Variants in NBEAL2 observed in about 807,000 individuals in gnomAD.
NBEAL2 encodes neurobeachin-like protein 2.
NBEAL2 carries 160 observed loss-of-function variants against 299.8 expected under a neutral mutation model. That is an observed-to-expected ratio of 0.53 (90% confidence interval 0.47 to 0.61). The LOEUF (loss-of-function observed/expected upper bound fraction) is 0.61. Among genes scored for constraint, NBEAL2 ranks in the 20% least tolerant of loss-of-function variants. NBEAL2 has a pLI of 0.00. For synonymous variants in NBEAL2, 1,493 were observed against 1,542.3 expected (o/e 0.97, Z 0.75); for missense variants, 3,112 against 3,649.0 (o/e 0.85, Z 3.79).
Position 47,004,759 on chromosome 3 carries a change from C to A in NBEAL2, c.6294+169C>A. On this transcript the variant is annotated intron_variant, in intron 38 of 53. Transcript: ENST00000450053. This position sits in a 1 kb window ranked among gnomAD's most constrained non-coding sequence, Gnocchi z 5.0. ...CCTGCCAACCCCCAGAGGTCCCCAGCCTCACTCCCTTCCCCTCCCTGCCTA... is the reference window on the plus strand; with the variant it reads ...CCTGCCAACCCCCAGAGGTCCCCAGACTCACTCCCTTCCCCTCCCTGCCTA... 3 of 943,992 alleles carry A rather than the reference C, an allele frequency of 3.2e-6. No homozygotes were observed. The highest frequency in any genetic ancestry group is 1.6e-5 in the African/African-American group (1 of 61,970). The allele number at this position is 943,992 out of a possible 1,614,324, so 58.5% of individuals were successfully genotyped here. A position where few individuals can be genotyped will look rare whatever the true frequency, so the allele number is the denominator to read the frequency against.
chr3:46,979,786 G>T lies in NBEAL2; in HGVS notation c.-76G>T. 1 of 378,292 alleles carries T rather than the reference G, an allele frequency of 2.6e-6. No homozygotes were observed. The highest frequency in any genetic ancestry group is 8.7e-5 in the South Asian group (1 of 11,482). The allele number at this position is 378,292 out of a possible 1,614,324, so 23.4% of individuals were successfully genotyped here. ...GTGACGCCCTCCGCCCATGGGCCTGGCCGAGGGCAACCGGCGGGCGGCGCG... is the reference window on the plus strand; with the variant it reads ...GTGACGCCCTCCGCCCATGGGCCTGTCCGAGGGCAACCGGCGGGCGGCGCG... On this transcript the variant is annotated 5_prime_UTR_variant, in exon 1 of 54. Transcript: ENST00000450053.
At position 47,001,335 on chromosome 3, in the gene NBEAL2, G is replaced by C. The variant is rs1264227459; in HGVS notation, c.4541G>C (p.Gly1514Ala). The stretch of plus-strand genomic sequence containing the variant: ...ACCGACATCAAAGAGGCCCCCGTGG[G>C]GGTCCTGGCCAGCCTCACCCAGCAA... The part of the protein sequence containing the change: ...ALTDIKEAPV[G>A]VLASLTQQAL... The change falls in exon 29 of 54, where the codon GGG becomes GCG. Residue 1514 changes from glycine to alanine, a missense_variant. Coordinates refer to ENST00000450053, the MANE Select transcript of NBEAL2 (RefSeq NM_015175.3). The surrounding 1 kb of genome is among the most constrained non-coding windows in gnomAD (Gnocchi z 6.1). 2.5e-6 allele frequency: 4 copies of C among 1,613,010 alleles called. No homozygotes were observed. In the Admixed American group the frequency reaches 6.7e-5, roughly 27 times the overall value.
rs761640918 is a variant in NBEAL2, at chr3:46,996,997, G to T, written c.2600G>T (p.Gly867Val). ...NICLDLSPSH[G>V]LDGRLTGHRV... ...TGCCTGGACCTGTCCCCCAGTCATG[G>T]GCTTGATGGGCGCCTGACGGGCCAC... Residue 867 changes from glycine (G) to valine (V), a missense_variant, in exon 18 of 54, where the codon GGG becomes GTG. This residue lies in a region of NBEAL2 where 2,243 missense variants were observed against 2,538.1 expected (regional missense o/e 0.88). Transcript: ENST00000450053. 5.6e-6 allele frequency: 9 copies of T among 1,613,446 alleles called. No homozygotes were observed. The highest frequency in any genetic ancestry group is 8.5e-7 in the Non-Finnish European group (1 of 1,179,840).
rs375656848 is a variant in NBEAL2 at position 46,998,524 on chromosome 3, C to T, written c.3180C>T (p.Tyr1060=). The T allele has an allele frequency of 1.6e-5, 26 of 1,613,014 alleles. 1 individual carries two copies. The highest frequency in any genetic ancestry group is 3.3e-4 in the Middle Eastern group (2 of 6,084). Residue 1060 remains tyrosine (Y), a synonymous_variant, in exon 22 of 54, where the codon TAC becomes TAT. Transcript: ENST00000450053. ...REHRQKLRKK[Y]GVQFILDALR... is the part of the protein sequence containing the mutation. ...ACAGACAGAAGCTGCGGAAGAAGTACGGCGTCCAGTTTATCTTGGATGCTC... is the reference window on the plus strand; with the variant it reads ...ACAGACAGAAGCTGCGGAAGAAGTATGGCGTCCAGTTTATCTTGGATGCTC...
In NBEAL2 at chr3:46,998,725, G is replaced by A. The variant is rs373407108; in HGVS notation, c.3230G>A (p.Arg1077Gln). The A allele has an allele frequency of 1.6e-5, 25 of 1,575,592 alleles. No individual in the cohort carries two copies. The East Asian group carries it at 1.6e-4, about 10-fold the overall frequency. Residue 1077 changes from arginine (R) to glutamine (Q), a missense_variant, in exon 23 of 54, where the codon CGG becomes CAG. Coordinates refer to ENST00000450053, the MANE Select transcript of NBEAL2 (RefSeq NM_015175.3). ...DALRTHYSPQ[R>Q]ERPLAADDLR... ...GCCTACTGACCTGCCAGCCCGCAGCGGGAGCGCCCCCTGGCTGCTGACGAC... is the reference window on the plus strand; with the variant it reads ...GCCTACTGACCTGCCAGCCCGCAGCAGGAGCGCCCCCTGGCTGCTGACGAC...
chr3:47,005,521 T>A lies in NBEAL2; in HGVS notation c.6593T>A (p.Val2198Glu). ...FDCSDRQFHS[V>E]AAAWQARLES... ...TGCTCCGACCGGCAGTTCCACTCGG[T>A]GGCGGCAGCCTGGCAGGCACGCCTG... Residue 2198 changes from valine to glutamate, a missense_variant, in exon 41 of 54, where the codon GTG becomes GAG. This residue lies in a region of NBEAL2 where 521 missense variants were observed against 729.6 expected (regional missense o/e 0.71). Coordinates refer to ENST00000450053, the MANE Select transcript of NBEAL2 (RefSeq NM_015175.3). The A allele has an allele frequency of 1.2e-6, 2 of 1,611,256 alleles. No homozygotes were observed.
At position 46,997,077 on chromosome 3, in the gene NBEAL2, G is replaced by T. The variant is rs768184886; in HGVS notation, c.2649+31G>T. ...TGAGCACGTGTGGGTGGTGTGTGCA[G>T]GAGGCATGAATATGGGGCACATGTG... On this transcript the variant is annotated intron_variant, in intron 18 of 53. Transcript: ENST00000450053. 16 of 1,597,554 alleles carry T rather than the reference G, an allele frequency of 1.0e-5. No individual in the cohort carries two copies. The Middle Eastern group carries it at 5.0e-4, about 50-fold the overall frequency.
At chr3:46,987,889 C>T (rs1379407679) in intron 1 of NBEAL2, 3 of 639,562 alleles carry the variant, frequency 4.7e-6, no homozygotes, top group South Asian at 7.0e-5. Flanking sequence ...CCCGGCCCCC[C>T]CACATCCCTG....
chr3:47,005,262 G>T lies in NBEAL2; in HGVS notation c.6501G>T (p.Met2167Ile). Residue 2167 changes from methionine (M) to isoleucine (I), a missense_variant, in exon 40 of 54, where the codon ATG becomes ATT. By Grantham distance (10) the Met-to-Ile change is conservative. Around this residue, in one of 3 missense-constraint regions of NBEAL2, gnomAD observed 521 missense variants for 729.6 expected, o/e 0.71. Coordinates refer to ENST00000450053, the MANE Select transcript of NBEAL2 (RefSeq NM_015175.3). ...GTHYSNAAGV[M>I]HYLIRVEPFT... ...ACTACTCCAATGCAGCAGGCGTGAT[G>T]CACTACCTCATCCGCGTGGAGCCCT... 1 of 1,613,456 alleles carries T rather than the reference G, an allele frequency of 6.2e-7. No individual in the cohort carries two copies. The highest frequency in any genetic ancestry group is 1.1e-5 in the South Asian group (1 of 91,086).
At position 46,988,908 on chromosome 3, in the gene NBEAL2, G is replaced by A. The variant is rs767785364; in HGVS notation, c.207G>A (p.Gln69=). The stretch of plus-strand genomic sequence containing the variant: ...ATGAGCTGCATGTGCTGGCCGAACA[G>A]CTGCACCAGGCTGACCTGGAGCAAG... ...PLDELHVLAE[Q]LHQADLEQAL... The change falls in exon 3 of 54, where the codon CAG becomes CAA. Residue 69 remains glutamine, a synonymous_variant. Coordinates refer to ENST00000450053, the MANE Select transcript of NBEAL2 (RefSeq NM_015175.3). The surrounding 1 kb of genome is among the most constrained non-coding windows in gnomAD (Gnocchi z 4.4). The A allele has an allele frequency of 2.5e-6, 4 of 1,612,926 alleles. No homozygotes were observed. In the East Asian group the frequency reaches 6.7e-5, roughly 27 times the overall value.
intron 1 of NBEAL2, among the ~76,000 whole-genome samples, chr3:46,981,340 G>A (rs2035319677): frequency 6.6e-6 from 1 of 152,188 alleles, no homozygotes; most frequent in African/African-American, 2.4e-5. Flanking sequence ...TACTCGGGAG[G>A]CTGAGGCAGG....
chr3:46,987,061 C>G (rs1373923771), intron 1 of NBEAL2, among the ~76,000 whole-genome samples: 2 of 152,212 alleles, frequency 1.3e-5, no homozygotes, highest in African/African-American at 4.8e-5. Flanking sequence ...GTTGTCTGGG[C>G]TTCAGATCTG....
chr3:46,988,867 C>T lies in NBEAL2; in HGVS notation c.166C>T (p.Pro56Ser). The T allele has an allele frequency of 2.5e-6, 4 of 1,610,552 alleles. No homozygotes were observed. Among genetic ancestry groups the T allele is most frequent in the Non-Finnish European group, 3.4e-6 (4 of 1,177,620 alleles). The change falls in exon 3 of 54, where the codon CCG becomes TCG. Residue 56 changes from proline (P) to serine (S), a missense_variant. This residue lies in a region of NBEAL2 where 2,243 missense variants were observed against 2,538.1 expected (regional missense o/e 0.88). Coordinates refer to ENST00000450053, the MANE Select transcript of NBEAL2 (RefSeq NM_015175.3). The surrounding 1 kb of genome is among the most constrained non-coding windows in gnomAD (Gnocchi z 4.4). ...GCCAGAGGAGGCAGGTGCAGAGGTCCCGCTGCTACCACTGGATGAGCTGCA... is the reference window on the plus strand; with the variant it reads ...GCCAGAGGAGGCAGGTGCAGAGGTCTCGCTGCTACCACTGGATGAGCTGCA... ...RRPEEAGAEV[P>S]LLPLDELHVL... is the part of the protein sequence containing the mutation.
Position 47,004,882 on chromosome 3 carries a change from G to C in NBEAL2, c.6295-90G>C. 1 of 1,530,750 alleles carries C rather than the reference G, an allele frequency of 6.5e-7. No individual in the cohort carries two copies. The allele number at this position is 1,530,750 out of a possible 1,614,324, so 94.8% of individuals were successfully genotyped here. A position where few individuals can be genotyped will look rare whatever the true frequency, so the allele number is the denominator to read the frequency against. On this transcript the variant is annotated intron_variant, in intron 38 of 53. Transcript: ENST00000450053. This position sits in a 1 kb window ranked among gnomAD's most constrained non-coding sequence, Gnocchi z 5.0. ...CTCCCCCAACCTGTGGGCAGGCTCTGTGCCCGCCTTCTTGAGGGTGTGGGC... is the reference window on the plus strand; with the variant it reads ...CTCCCCCAACCTGTGGGCAGGCTCTCTGCCCGCCTTCTTGAGGGTGTGGGC...
chr3:46,983,839 T>C (rs866284389), intron 1 of NBEAL2, among the ~76,000 whole-genome samples: 1 of 151,956 alleles, frequency 6.6e-6, no homozygotes, highest in Admixed American at 6.6e-5. Context: ...GGGGTCCCCG[T>C]AGAAACAGGG....
At chr3:46,994,405 C>G (rs751285640) in intron 11 of NBEAL2, 50 bp from the exon 12 acceptor site, 11 of 1,501,534 alleles carry the variant, frequency 7.3e-6, no homozygotes, top group Non-Finnish European at 1.0e-5. Context: ...TCTGAGTTTG[C>G]CCTCCGGCCC....
At position 46,997,753 on chromosome 3, in the gene NBEAL2, G is replaced by A. The variant is rs925331768; in HGVS notation, c.2958+59G>A. 3.5e-5 allele frequency: 50 copies of A among 1,432,920 alleles called. 1 individual carries two copies. In the South Asian group the frequency reaches 4.9e-4, roughly 14 times the overall value. 88.8% of individuals were successfully genotyped at this position (1,432,920 alleles called of 1,614,324 possible). ...GGTATGGTCAGCCTGTCTGACCGAG[G>A]GGACTGAGTGGGGAACCCTGTCAGT... On this transcript the variant is annotated intron_variant, in intron 20 of 53. Coordinates refer to ENST00000450053, the MANE Select transcript of NBEAL2 (RefSeq NM_015175.3).
chr3:46,992,922 G>A (rs369490045), intron 10 of NBEAL2, among the ~76,000 whole-genome samples: 1 of 152,176 alleles, frequency 6.6e-6, no homozygotes, highest in African/African-American at 2.4e-5. Context: ...ATTTCTTTCT[G>A]TAGATTCTTG....
chr3:46,988,193 A>G lies in NBEAL2; in HGVS notation c.52-476A>G, dbSNP rs891379658. Reference sequence around the variant, plus strand: ...CACGTGTGTCCTGGGATCCACAGTTAAAGAAGGCTACTGAAGGTGGTGGCT... The same window carrying G: ...CACGTGTGTCCTGGGATCCACAGTTGAAGAAGGCTACTGAAGGTGGTGGCT... On this transcript the variant is annotated intron_variant, in intron 1 of 53. Transcript: ENST00000450053. The surrounding 1 kb of genome is among the most constrained non-coding windows in gnomAD (Gnocchi z 4.4). 11 of 762,310 alleles carry G rather than the reference A, an allele frequency of 1.4e-5. No homozygotes were observed. In the Admixed American group the frequency reaches 5.1e-4, roughly 35 times the overall value. 47.2% of individuals were successfully genotyped at this position (762,310 alleles called of 1,614,324 possible). A position where few individuals can be genotyped will look rare whatever the true frequency, so the allele number is the denominator to read the frequency against.
Sources: gnomAD v4.1 joint callset for allele counts (sites outside exome capture counted in the v4.1 genomes callset) on GRCh38, gnomAD v4.1.1 for gene constraint, gnomAD v4.1.1 regional missense constraint, Gnocchi (gnomAD v3.1) non-coding constraint, MANE v1.5 for transcripts, NCBI Gene and HGNC (gene_info 2026-07-23, HGNC 2026-07-21) for gene names.